Variants in MCTP1 observed in about 807,000 individuals in gnomAD.
MCTP1 encodes the protein multiple C2 and transmembrane domain containing 1, also known as multiple C2 and transmembrane domain-containing protein 1.
A neutral mutation model predicts 120.6 loss-of-function variants in MCTP1; 69 were observed. The observed-to-expected ratio is 0.57, with a 90% CI of 0.47 to 0.70. MCTP1 has a LOEUF of 0.70. MCTP1 is among the 30% of genes least tolerant of loss of function. MCTP1 has a pLI of 0.00. For missense variants in MCTP1, 1,203 were observed against 1,248.8 expected (o/e 0.96, Z 0.55); for synonymous variants, 529 against 493.1 (o/e 1.07, Z -0.96).
At chr5:95,005,214 G>A (rs950042020) in intron 2 of MCTP1, among the ~76,000 whole-genome samples, 5 of 152,096 alleles carry the variant, frequency 3.3e-5, no homozygotes, top group East Asian at 1.9e-4. Flanking sequence ...TTTAATGGGA[G>A]CATTTACCCA....
At chr5:94,940,006 T>C in intron 5 of MCTP1, 78 bp downstream of exon 5, 2 of 753,374 alleles carry the variant, frequency 2.7e-6, no homozygotes, top group East Asian at 2.6e-5. Context: ...CTTCTCTTTA[T>C]TATCATCTCT....
intron 5 of MCTP1, among the ~76,000 whole-genome samples, chr5:94,932,288 TCATAA>T (rs1814948975): frequency 6.7e-6 from 1 of 148,710 alleles, no homozygotes; most frequent in Non-Finnish European, 1.5e-5. Context: ...ACATTGAGTC[TCATAA>T]TTTCCAATGG....
chr5:94,828,944 G>A (rs1787866221), intron 17 of MCTP1, among the ~76,000 whole-genome samples: 1 of 152,110 alleles, frequency 6.6e-6, no homozygotes, highest in South Asian at 2.1e-4. Flanking sequence ...TTCCAGGGGA[G>A]TAAACAGTTC....
intron 1 of MCTP1, among the ~76,000 whole-genome samples, chr5:95,265,778 G>GA (rs1758834712): frequency 1.3e-5 from 2 of 152,130 alleles, no homozygotes; most frequent in Non-Finnish European, 2.9e-5. Context: ...CCATCTAAGA[G>GA]AAAAAATCTC....
In MCTP1 at chr5:95,095,006, A is replaced by ATTTTTTTTTTTTTTTTTTT. The variant is rs756132693; in HGVS notation, c.721-77541_721-77523dup. Among the ~76,000 whole-genome samples the ATTTTTTTTTTTTTTTTTTT allele has an allele frequency of 1.1e-4, 4 of 36,938 alleles. 2 individuals carry two copies. Among genetic ancestry groups the ATTTTTTTTTTTTTTTTTTT allele is most frequent in the African/African-American group, 5.0e-4 (4 of 8,034 alleles). The allele number at this position is 36,938 out of a possible 152,430, so 24.2% of individuals were successfully genotyped here. A position where few individuals can be genotyped will look rare whatever the true frequency, so the allele number is the denominator to read the frequency against. On this transcript the variant is annotated intron_variant, in intron 1 of 22. Transcript: ENST00000515393. ...TTTTTTCTTTTATTTGTTATGTTAG[A>ATTTTTTTTTTTTTTTTTTT]TTTTTTTTTTTTTTTTTTTTTTTTT... is the stretch of plus-strand genomic sequence containing the variant.
At chr5:95,187,993 T>C (rs1202251141) in intron 1 of MCTP1, among the ~76,000 whole-genome samples, 4 of 152,144 alleles carry the variant, frequency 2.6e-5, no homozygotes, top group Non-Finnish European at 4.4e-5. Flanking sequence ...CATAGATATA[T>C]ACACCTACTA....
At chr5:95,215,716 A>G (rs1174920653) in intron 1 of MCTP1, among the ~76,000 whole-genome samples, 2 of 152,108 alleles carry the variant, frequency 1.3e-5, no homozygotes, top group African/African-American at 4.8e-5. Flanking sequence ...TCTTGTAACC[A>G]TAAGAAGGCC....
chr5:95,209,646 G>T (rs1319912265), intron 1 of MCTP1, among the ~76,000 whole-genome samples: 1 of 152,082 alleles, frequency 6.6e-6, no homozygotes, highest in East Asian at 1.9e-4. Context: ...GAATATATCT[G>T]GGGTTCACCA....
intron 1 of MCTP1, among the ~76,000 whole-genome samples, chr5:95,062,365 T>A (rs1749460034): frequency 6.6e-6 from 1 of 152,240 alleles, no homozygotes; most frequent in African/African-American, 2.4e-5. Context: ...TATTATGGCT[T>A]ATTTCACCCC....
Position 94,864,657 on chromosome 5 carries a change from G to A in MCTP1, c.2436+3676C>T, listed in dbSNP as rs564870037. Among the ~76,000 whole-genome samples, 17 of 151,964 alleles carry A rather than the reference G, an allele frequency of 1.1e-4. No individual in the cohort carries two copies. The East Asian group carries it at 2.1e-3, about 19-fold the overall frequency. On this transcript the variant is annotated intron_variant, in intron 17 of 22. Coordinates refer to ENST00000515393, the MANE Select transcript of MCTP1 (RefSeq NM_024717.7). ...AACACAGCAGCACTTACTGTATAAC[G>A]ACAGAAAAGGCTAAAACAATTCCAA...
chr5:94,879,009 A>T (rs1799497540), intron 12 of MCTP1, among the ~76,000 whole-genome samples: 1 of 152,070 alleles, frequency 6.6e-6, no homozygotes, highest in Non-Finnish European at 1.5e-5. Context: ...AGAAAAGTAG[A>T]GAAACACTTC....
At chr5:95,125,542 C>G (rs1300400810) in intron 1 of MCTP1, among the ~76,000 whole-genome samples, 1 of 152,194 alleles carries the variant, frequency 6.6e-6, no homozygotes. Flanking sequence ...TCTAGCCAAT[C>G]TAAGTATTCT....
intron 1 of MCTP1, among the ~76,000 whole-genome samples, chr5:95,034,936 AAG>A (rs1169004015): frequency 6.6e-6 from 1 of 152,300 alleles, no homozygotes. Flanking sequence ...TTCTCAAAGG[AAG>A]ATATACAAGT....
chr5:94,808,687 ACT>A (rs1782856538), intron 17 of MCTP1, among the ~76,000 whole-genome samples: 1 of 151,948 alleles, frequency 6.6e-6, no homozygotes, highest in Non-Finnish European at 1.5e-5. Flanking sequence ...CTACCAAATG[ACT>A]CTATATTGAG....
intron 19 of MCTP1, 101 bp downstream of exon 19, chr5:94,779,009 G>A (rs1422858563): frequency 9.7e-7 from 1 of 1,028,552 alleles, no homozygotes; most frequent in East Asian, 2.4e-5. Flanking sequence ...CCAATTTTCT[G>A]GACTCAAACA....
intron 1 of MCTP1, among the ~76,000 whole-genome samples, chr5:95,160,578 C>G (rs978071663): frequency 2.0e-5 from 3 of 151,952 alleles, no homozygotes; most frequent in Non-Finnish European, 4.4e-5. Flanking sequence ...CCCAAAAGTA[C>G]AGCAACAAAA....
intron 3 of MCTP1, among the ~76,000 whole-genome samples, chr5:94,948,416 AG>A (rs1297147334): frequency 6.6e-6 from 1 of 152,170 alleles, no homozygotes; most frequent in Non-Finnish European, 1.5e-5. Flanking sequence ...ACAATCCAAA[AG>A]CAAGTATAGT....
Position 95,092,690 on chromosome 5 carries a change from G to A in MCTP1, c.721-75206C>T, listed in dbSNP as rs576504701. 4.0e-5 allele frequency among the ~76,000 whole-genome samples: 6 copies of A among 150,964 alleles called. 1 individual carries two copies. The highest frequency in any genetic ancestry group is 2.6e-4 in the Admixed American group (4 of 15,200). On this transcript the variant is annotated intron_variant, in intron 1 of 22. Coordinates refer to ENST00000515393, the MANE Select transcript of MCTP1 (RefSeq NM_024717.7). ...ATTAAAATTAATAATGAAAGAAAAA[G>A]AAAAAAAGAAAGAAAAAGAAAAGGT...
chr5:94,949,844 T>C (rs1342460429), intron 3 of MCTP1, among the ~76,000 whole-genome samples: 1 of 152,162 alleles, frequency 6.6e-6, no homozygotes. Context: ...TAATCTGTTG[T>C]GGAGGATGTG....
Sources: allele counts gnomAD v4.1 joint callset (sites outside exome capture counted in the v4.1 genomes callset), GRCh38; gene constraint gnomAD v4.1.1; transcripts MANE v1.5; gene names NCBI Gene and HGNC (gene_info 2026-07-23, HGNC 2026-07-21).